NELL1: variants seen among roughly 807,000 people sequenced by gnomAD.
The protein encoded by NELL1 is neural EGFL like 1, also known as protein kinase C-binding protein NELL1.
Under a neutral mutation model 107.4 loss-of-function variants are expected in NELL1, and 76 were observed. That is an observed-to-expected ratio of 0.71 (90% CI 0.59 to 0.86). The LOEUF is 0.86. Among genes scored for constraint, NELL1 ranks in the 40% least tolerant of loss-of-function variants. The pLI is 0.00. For missense variants in NELL1, 1,024 were observed against 1,005.5 expected (o/e 1.02, Z -0.25); for synonymous variants, 353 against 341.2 (o/e 1.03, Z -0.38).
At chr11:21,418,997 A>G (rs1313134724) in intron 15 of NELL1, among the ~76,000 whole-genome samples, 1 of 152,128 alleles carries the variant, frequency 6.6e-6, no homozygotes, top group Non-Finnish European at 1.5e-5. Flanking sequence ...CATAATCACA[A>G]GAGCAGAGAG....
chr11:21,077,364 A>G (rs1281220050), intron 12 of NELL1, among the ~76,000 whole-genome samples: 1 of 152,206 alleles, frequency 6.6e-6, no homozygotes, highest in Admixed American at 6.5e-5. Flanking sequence ...ATAAAAAGCC[A>G]ATAAGCCATA....
At chr11:21,219,672 T>C (rs1857704724) in intron 13 of NELL1, among the ~76,000 whole-genome samples, 1 of 152,108 alleles carries the variant, frequency 6.6e-6, no homozygotes, top group Non-Finnish European at 1.5e-5. Flanking sequence ...GAAATAGGGG[T>C]CTAATTTCAT....
At chr11:21,295,552 G>A (rs1405422821) in intron 14 of NELL1, among the ~76,000 whole-genome samples, 2 of 152,060 alleles carry the variant, frequency 1.3e-5, no homozygotes, top group Non-Finnish European at 2.9e-5. Flanking sequence ...CAAGTAAGAA[G>A]AGGATTTGTA....
In NELL1 at chr11:21,511,366, G is replaced by T. The variant is rs537343900; in HGVS notation, c.1646-23008G>T. On this transcript the variant is annotated intron_variant, in intron 15 of 19. Coordinates refer to ENST00000357134, the MANE Select transcript of NELL1 (RefSeq NM_006157.5). ...CTTATTTTATTTGCCTCAGCAAGGG[G>T]TAAGTAATGCTCCAGAGAAGCGCCC... Among the ~76,000 whole-genome samples, 4 of 152,220 alleles carry T rather than the reference G, an allele frequency of 2.6e-5. No homozygotes were observed. The East Asian group carries it at 7.7e-4, about 29-fold the overall frequency.
At chr11:20,785,311 A>G (rs752959824) in intron 3 of NELL1, among the ~76,000 whole-genome samples, 4 of 152,206 alleles carry the variant, frequency 2.6e-5, no homozygotes, top group Non-Finnish European at 5.9e-5. Flanking sequence ...TGTCATTACA[A>G]TCTGGCTGTT....
At chr11:20,783,575 T>C in intron 2 of NELL1, 105 bp from the exon 3 acceptor site, 1 of 747,348 alleles carries the variant, frequency 1.3e-6, no homozygotes, top group Non-Finnish European at 2.1e-6. Context: ...TTTTTTCCTC[T>C]TCCTTCTCAT....
chr11:20,708,687 T>C (rs1855037044), intron 2 of NELL1, among the ~76,000 whole-genome samples: 1 of 152,198 alleles, frequency 6.6e-6, no homozygotes, highest in African/African-American at 2.4e-5. Context: ...CTGTTTACTC[T>C]GCTGGTTATT....
intron 4 of NELL1, among the ~76,000 whole-genome samples, chr11:20,884,316 A>T (rs553845513): frequency 1.3e-5 from 2 of 152,308 alleles, no homozygotes; most frequent in Admixed American, 6.5e-5. Flanking sequence ...CTCTGGCAGG[A>T]GGCAGTCAGC....
At chr11:21,274,585 A>G (rs956503701) in intron 14 of NELL1, among the ~76,000 whole-genome samples, 3 of 152,200 alleles carry the variant, frequency 2.0e-5, no homozygotes, top group African/African-American at 7.2e-5. Context: ...CCCCAAATCA[A>G]CAGAATATAC....
At chr11:21,002,468 A>G (rs996041118) in intron 12 of NELL1, among the ~76,000 whole-genome samples, 13 of 152,120 alleles carry the variant, frequency 8.5e-5, no homozygotes, top group African/African-American at 3.1e-4. Context: ...ACAGATTACT[A>G]CTTTCTGTTT....
At chr11:21,317,045 T>C (rs953020674) in intron 14 of NELL1, among the ~76,000 whole-genome samples, 2 of 152,148 alleles carry the variant, frequency 1.3e-5, no homozygotes, top group African/African-American at 2.4e-5. Flanking sequence ...AATGTAAACA[T>C]TTTATTGTCC....
At chr11:20,991,380 T>C (rs1446973707) in intron 12 of NELL1, among the ~76,000 whole-genome samples, 1 of 152,240 alleles carries the variant, frequency 6.6e-6, no homozygotes, top group African/African-American at 2.4e-5. Context: ...CAACCCTTAT[T>C]GAGTGCCTTC....
chr11:20,931,829 A>G (rs542654020), intron 9 of NELL1, among the ~76,000 whole-genome samples: 53 of 152,012 alleles, frequency 3.5e-4, no homozygotes, highest in African/African-American at 1.3e-3. Flanking sequence ...TAAATTTCTT[A>G]TATGTGAATT....
At chr11:21,064,576 A>C (rs1853823366) in intron 12 of NELL1, among the ~76,000 whole-genome samples, 1 of 152,126 alleles carries the variant, frequency 6.6e-6, no homozygotes, top group Non-Finnish European at 1.5e-5. Context: ...CCTGTGTGCA[A>C]TGGAAAGCTG....
At chr11:21,158,081 C>T (rs2133795742) in intron 13 of NELL1, among the ~76,000 whole-genome samples, 1 of 152,268 alleles carries the variant, frequency 6.6e-6, no homozygotes, top group Non-Finnish European at 1.5e-5. Flanking sequence ...AAGGACTAGA[C>T]TCGCTAAGTC....
At chr11:20,825,409 C>A (rs1857859032) in intron 3 of NELL1, among the ~76,000 whole-genome samples, 1 of 151,328 alleles carries the variant, frequency 6.6e-6, no homozygotes, top group African/African-American at 2.4e-5. Flanking sequence ...CCCATTAAAG[C>A]AGCTGGGAAG....
At chr11:20,898,272 G>T (rs1183371595) in intron 5 of NELL1, among the ~76,000 whole-genome samples, 3 of 152,140 alleles carry the variant, frequency 2.0e-5, no homozygotes. Context: ...CCTTTGTAGG[G>T]ACATGGATGA....
chr11:21,027,923 A>G (rs59673166), intron 12 of NELL1, among the ~76,000 whole-genome samples: 3,827 of 152,196 alleles, frequency 0.025, 152 homozygotes, highest in African/African-American at 0.086. Flanking sequence ...GCTTCATGCA[A>G]TGCTGAATTG....
intron 15 of NELL1, among the ~76,000 whole-genome samples, chr11:21,438,259 G>C (rs983487450): frequency 1.3e-5 from 2 of 150,470 alleles, no homozygotes; most frequent in African/African-American, 4.9e-5. Context: ...TTACATGACA[G>C]TTTTTTTGTT....
Sources: allele counts gnomAD v4.1 joint callset (sites outside exome capture counted in the v4.1 genomes callset), GRCh38; gene constraint gnomAD v4.1.1; transcripts MANE v1.5; gene names NCBI Gene and HGNC (gene_info 2026-07-23, HGNC 2026-07-21).